The following NRXN3 variants were observed in gnomAD, a reference collection of about 807,000 sequenced individuals.
NRXN3 encodes the protein neurexin III.
In NRXN3, 32 loss-of-function variants were observed where a neutral mutation model predicts 137.6. The ratio of observed to expected loss-of-function variants is 0.23; its 90% confidence interval spans 0.18 to 0.31. The LOEUF (loss-of-function observed/expected upper bound fraction) is 0.31, where lower values mean the gene tolerates loss of function less well. Among genes scored for constraint, NRXN3 ranks in the 10% least tolerant of loss-of-function variants. The probability of loss-of-function intolerance (pLI) is 1.00; values close to 1 mark genes in which losing one functional copy is unlikely to be tolerated. For synonymous variants in NRXN3, 798 were observed against 784.5 expected (o/e 1.02, Z -0.29); for missense variants, 1,574 against 2,062.5 (o/e 0.76, Z 4.59).
chr14:78,235,022 ATG>A (rs1555418683), intron 1 of NRXN3, among the ~76,000 whole-genome samples: 2 of 58,084 alleles, frequency 3.4e-5, no homozygotes, highest in African/African-American at 6.1e-5. Flanking sequence ...ATATATATAT[ATG>A]TGTATATATA....
At position 78,968,287 on chromosome 14, in the gene NRXN3, T is replaced by A; in HGVS notation, c.3083T>A (p.Leu1028Gln). The A allele has an allele frequency of 6.2e-7, 1 of 1,614,082 alleles. No homozygotes were observed. The highest frequency in any genetic ancestry group is 1.3e-5 in the African/African-American group (1 of 75,042). ...CLASVDLNGR[L>Q]PDLINDALHR... The stretch of plus-strand genomic sequence containing the variant: ...GCATCAGTGGACTTGAATGGACGCC[T>A]GCCAGACCTCATCAATGATGCTCTT... Residue 1028 changes from leucine (L) to glutamine (Q), a missense_variant, in exon 14 of 21, where the codon CTG becomes CAG. Physicochemically the swap from Leu to Gln is moderately radical, Grantham distance 113 (BLOSUM62 -2). Coordinates refer to ENST00000335750, the MANE Select transcript of NRXN3 (RefSeq NM_001330195.2).
chr14:78,584,380 G>C (rs1297024935), intron 4 of NRXN3, among the ~76,000 whole-genome samples: 1 of 152,072 alleles, frequency 6.6e-6, no homozygotes, highest in Non-Finnish European at 1.5e-5. Context: ...AAAGGCTATG[G>C]TCCCAAAGGC....
chr14:79,147,129 T>C (rs1484262112), intron 15 of NRXN3, among the ~76,000 whole-genome samples: 1 of 152,154 alleles, frequency 6.6e-6, no homozygotes, highest in Non-Finnish European at 1.5e-5. Context: ...AGGAGATCAC[T>C]GACCAATTAA....
chr14:79,106,350 T>G (rs2052436185), intron 15 of NRXN3, among the ~76,000 whole-genome samples: 1 of 152,134 alleles, frequency 6.6e-6, no homozygotes, highest in African/African-American at 2.4e-5. Flanking sequence ...TTGATAATAT[T>G]TCTTTCTTTC....
intron 19 of NRXN3, among the ~76,000 whole-genome samples, chr14:79,704,670 G>C (rs562345114): frequency 1.6e-4 from 25 of 152,256 alleles, no homozygotes; most frequent in African/African-American, 5.5e-4. Context: ...CTGAAGATTT[G>C]TCAGTCTAAT....
chr14:78,987,421 G>C (rs1488594067), intron 14 of NRXN3, among the ~76,000 whole-genome samples: 2 of 152,036 alleles, frequency 1.3e-5, no homozygotes, highest in South Asian at 2.1e-4. Flanking sequence ...TTACCTCTTA[G>C]AGTACCTGGA....
chr14:78,346,271 C>A (rs1210844976), intron 4 of NRXN3, among the ~76,000 whole-genome samples: 1 of 152,202 alleles, frequency 6.6e-6, no homozygotes, highest in East Asian at 1.9e-4. Flanking sequence ...ATCTTCCCAA[C>A]TCCAGAAGGT....
chr14:78,377,196 G>A (rs2088031082), intron 4 of NRXN3, among the ~76,000 whole-genome samples: 1 of 152,116 alleles, frequency 6.6e-6, no homozygotes, highest in African/African-American at 2.4e-5. Flanking sequence ...TAATTATGTA[G>A]ACAAAATGAA....
At chr14:79,260,706 G>A (rs1243069102) in intron 15 of NRXN3, among the ~76,000 whole-genome samples, 1 of 152,116 alleles carries the variant, frequency 6.6e-6, no homozygotes, top group Non-Finnish European at 1.5e-5. Flanking sequence ...GTTTCCGAAA[G>A]GGTTGTATTC....
At chr14:79,827,691 CTTTTTTT>C (rs71103825) in intron 20 of NRXN3, among the ~76,000 whole-genome samples, 3 of 129,548 alleles carry the variant, frequency 2.3e-5, no homozygotes, top group African/African-American at 2.9e-5. Context: ...ATGCCACAAA[CTTTTTTT>C]TTTTTTTTTT....
intron 15 of NRXN3, among the ~76,000 whole-genome samples, chr14:79,038,367 G>C (rs1458801841): frequency 6.6e-6 from 1 of 152,064 alleles, no homozygotes; most frequent in Non-Finnish European, 1.5e-5. Context: ...AAATTTTTAT[G>C]TGAAATTGGG....
intron 4 of NRXN3, among the ~76,000 whole-genome samples, chr14:78,554,338 G>A (rs2096719192): frequency 6.6e-6 from 1 of 152,106 alleles, no homozygotes; most frequent in African/African-American, 2.4e-5. Flanking sequence ...AGAAGCCTCG[G>A]GCTGGGCTCC....
intron 19 of NRXN3, among the ~76,000 whole-genome samples, chr14:79,713,587 A>G (rs1405028253): frequency 7.7e-6 from 1 of 129,066 alleles, no homozygotes; most frequent in African/African-American, 2.7e-5. Context: ...ATATATACAT[A>G]TATATATACA....
Position 79,190,087 on chromosome 14 carries a change from A to C in NRXN3, c.3262+201946A>C, listed in dbSNP as rs148279439. On this transcript the variant is annotated intron_variant, in intron 15 of 20. Transcript: ENST00000335750. ...GAATGTTTCATCTACTCATTTGTTC[A>C]GATTTCCCTATAATTTTTAGCCAGC... Among the ~76,000 whole-genome samples the C allele has an allele frequency of 1.1e-3, 162 of 152,340 alleles. 1 individual carries two copies. Among genetic ancestry groups the C allele is most frequent in the African/African-American group, 3.8e-3 (158 of 41,580 alleles).
chr14:79,570,914 A>C (rs985419525), intron 16 of NRXN3, among the ~76,000 whole-genome samples: 1 of 152,164 alleles, frequency 6.6e-6, no homozygotes, highest in Admixed American at 6.5e-5. Flanking sequence ...AGCTCACTGG[A>C]GTCTTTTCTT....
chr14:78,278,910 G>T (rs2153501264), intron 3 of NRXN3, among the ~76,000 whole-genome samples: 1 of 152,258 alleles, frequency 6.6e-6, no homozygotes, highest in East Asian at 1.9e-4. Flanking sequence ...GTATTTCTGG[G>T]TGATTCAGAA....
At chr14:78,898,314 A>G (rs541768985) in intron 10 of NRXN3, among the ~76,000 whole-genome samples, 8 of 151,954 alleles carry the variant, frequency 5.3e-5, no homozygotes, top group Non-Finnish European at 8.8e-5. Flanking sequence ...CTAGCCTTTT[A>G]AAATCTATTT....
chr14:79,719,287 GTATGTATGTGTA>G (rs940872862), intron 19 of NRXN3, among the ~76,000 whole-genome samples: 13 of 46,302 alleles, frequency 2.8e-4, no homozygotes, highest in South Asian at 6.5e-4. Context: ...ACATATATAT[GTATGTATGTGTA>G]TATGTATGTG....
intron 10 of NRXN3, among the ~76,000 whole-genome samples, chr14:78,941,880 G>C (rs1340343740): frequency 6.6e-6 from 1 of 152,176 alleles, no homozygotes; most frequent in Non-Finnish European, 1.5e-5. Flanking sequence ...AAGTGGCAAG[G>C]ACCCTATTTC....
Sources: gnomAD v4.1 joint callset for allele counts (sites outside exome capture counted in the v4.1 genomes callset) on GRCh38, gnomAD v4.1.1 for gene constraint, MANE v1.5 for transcripts, NCBI Gene and HGNC (gene_info 2026-07-23, HGNC 2026-07-21) for gene names.